SLC36A2: variants seen among roughly 807,000 people sequenced by gnomAD.
SLC36A2 encodes the protein solute carrier family 36 member 2, also known as proton-coupled amino acid transporter 2.
Under a neutral mutation model 42.7 loss-of-function variants are expected in SLC36A2, and 39 were observed. That is an observed-to-expected ratio of 0.91 (90% CI 0.71 to 1.19). The LOEUF (loss-of-function observed/expected upper bound fraction) is 1.19, where lower values mean the gene tolerates loss of function less well. Among genes scored for constraint, SLC36A2 ranks in the 50% most tolerant of loss-of-function variants. The pLI is 0.00. For missense variants in SLC36A2, 590 were observed against 613.7 expected, an observed-to-expected ratio of 0.96 and a Z score of 0.41; for synonymous variants, 237 against 240.8, an observed-to-expected ratio of 0.98 and a Z score of 0.15.
intron 7 of SLC36A2, among the ~76,000 whole-genome samples, chr5:151,331,424 C>T (rs1249602183): frequency 1.3e-5 from 2 of 151,868 alleles, no homozygotes; most frequent in South Asian, 2.1e-4. Flanking sequence ...TCAAGTGATT[C>T]TCCTGCTTGG....
chr5:151,327,548 T>C (rs1029794061), intron 7 of SLC36A2, among the ~76,000 whole-genome samples: 9 of 152,200 alleles, frequency 5.9e-5, no homozygotes, highest in African/African-American at 2.2e-4. Flanking sequence ...GTCCTCCCCA[T>C]GCCTTTCCAC....
intron 7 of SLC36A2, among the ~76,000 whole-genome samples, chr5:151,327,088 T>C (rs1230777103): frequency 6.6e-6 from 1 of 152,200 alleles, no homozygotes; most frequent in Non-Finnish European, 1.5e-5. Context: ...GTGCTGGGAT[T>C]ACAGGCGAGA....
chr5:151,317,224 G>T, intron 9 of SLC36A2, 136 bp from the exon 10 acceptor site: 1 of 1,117,448 alleles, frequency 8.9e-7, no homozygotes, highest in Non-Finnish European at 1.3e-6. Flanking sequence ...GGCCTAGATG[G>T]GTGGATCACT....
At chr5:151,327,859 A>G (rs1292144929) in intron 7 of SLC36A2, among the ~76,000 whole-genome samples, 1 of 152,116 alleles carries the variant, frequency 6.6e-6, no homozygotes, top group African/African-American at 2.4e-5. Flanking sequence ...GGTTTTATTC[A>G]CATCTGCACA....
intron 6 of SLC36A2, 88 bp from the exon 7 acceptor site, chr5:151,333,410 A>G: frequency 9.1e-7 from 1 of 1,099,116 alleles, no homozygotes; most frequent in Non-Finnish European, 1.4e-6. Flanking sequence ...ATGAGACCTG[A>G]ATTTTTTAAA....
intron 9 of SLC36A2, among the ~76,000 whole-genome samples, chr5:151,317,819 T>C (rs1755547302): frequency 6.6e-6 from 1 of 152,194 alleles, no homozygotes; most frequent in Non-Finnish European, 1.5e-5. Flanking sequence ...GGTCAGTGGT[T>C]GGGTGCTTGT....
rs750100308 is a variant in SLC36A2 at position 151,316,847 on chromosome 5, GGGGT to G, written c.1418_1421del (p.His473ProfsTer24). On this transcript the variant is annotated frameshift_variant, in exon 10 of 10. Transcript: ENST00000335244. LOFTEE classifies it high-confidence loss of function. Reference sequence around the variant, plus strand: ...GAACAAAAGTGGTGGAGTTGGAAAAGGGGTGAGAGTCTTCTGACTTGAGCAGCTC... The same window carrying G: ...GAACAAAAGTGGTGGAGTTGGAAAAGGAGAGTCTTCTGACTTGAGCAGCTC... The G allele has an allele frequency of 1.2e-6, 2 of 1,613,822 alleles. No homozygotes were observed. Among genetic ancestry groups the G allele is most frequent in the Admixed American group, 3.3e-5 (2 of 59,956 alleles).
chr5:151,340,200 A>AGGAGAGGAGGAGGAG (rs1561660934), intron 4 of SLC36A2, among the ~76,000 whole-genome samples: 8 of 119,472 alleles, frequency 6.7e-5, no homozygotes, highest in East Asian at 3.2e-4. Flanking sequence ...GTGGAGGAGG[A>AGGAGAGGAGGAGGAG]GGAGAGGAGG....
chr5:151,343,117 C>G, intron 3 of SLC36A2, 134 bp from the exon 4 acceptor site: 1 of 738,672 alleles, frequency 1.4e-6, no homozygotes, highest in Non-Finnish European at 2.4e-6. Context: ...AGACCTCGGG[C>G]TTTGACACTC....
At chr5:151,329,239 T>G (rs1396719639) in intron 7 of SLC36A2, among the ~76,000 whole-genome samples, 2 of 152,208 alleles carry the variant, frequency 1.3e-5, no homozygotes, top group African/African-American at 4.8e-5. Flanking sequence ...CAAATATCAC[T>G]TCATGGGCTT....
At position 151,316,816 on chromosome 5, in the gene SLC36A2, C is replaced by T; in HGVS notation, c.*1G>A. 6.2e-7 allele frequency: 1 copy of T among 1,612,296 alleles called. No homozygotes were observed. The highest frequency in any genetic ancestry group is 8.5e-7 in the Non-Finnish European group (1 of 1,179,604). On this transcript the variant is annotated 3_prime_UTR_variant, in exon 10 of 10. Coordinates refer to ENST00000335244, the MANE Select transcript of SLC36A2 (RefSeq NM_181776.3). ...CTGGTAGGCAAGGAGCAGTGCCAGG[C>T]TCACCGAACAAAAGTGGTGGAGTTG...
intron 4 of SLC36A2, among the ~76,000 whole-genome samples, chr5:151,342,644 A>G (rs967040627): frequency 5.3e-5 from 8 of 152,242 alleles, no homozygotes; most frequent in African/African-American, 1.9e-4. Context: ...GTAACTGGAT[A>G]AATGTGGTTT....
chr5:151,346,034 C>T (rs1756484092), intron 1 of SLC36A2, among the ~76,000 whole-genome samples: 2 of 152,244 alleles, frequency 1.3e-5, no homozygotes, highest in African/African-American at 4.8e-5. Flanking sequence ...ATCGTTGCCA[C>T]GCTTACTCAG....
intron 1 of SLC36A2, 132 bp from the exon 2 acceptor site, chr5:151,344,399 G>A (rs1756436403): frequency 1.3e-6 from 1 of 774,214 alleles, no homozygotes; most frequent in Non-Finnish European, 2.3e-6. Flanking sequence ...TCCTTGCCTG[G>A]CACATCTGGG....
chr5:151,333,387 A>G, intron 6 of SLC36A2, 65 bp from the exon 7 acceptor site: 1 of 1,372,172 alleles, frequency 7.3e-7, no homozygotes, highest in African/African-American at 1.4e-5. Flanking sequence ...CTTTAAGAGA[A>G]GGGTACTCTG....
At chr5:151,327,923 C>T (rs1203782182) in intron 7 of SLC36A2, among the ~76,000 whole-genome samples, 1 of 152,210 alleles carries the variant, frequency 6.6e-6, no homozygotes, top group African/African-American at 2.4e-5. Context: ...GGCTCTCCCT[C>T]TTCTGTAAAA....
intron 4 of SLC36A2, among the ~76,000 whole-genome samples, chr5:151,340,024 AAG>A (rs1322215898): frequency 6.6e-6 from 1 of 152,042 alleles, no homozygotes; most frequent in Non-Finnish European, 1.5e-5. Context: ...AAAGGGAAGA[AAG>A]AGAGTTGTGG....
rs566303365 is a variant in SLC36A2, at chr5:151,324,662, A to G, written c.1010+624T>C. 3.3e-5 allele frequency among the ~76,000 whole-genome samples: 5 copies of G among 152,124 alleles called. No homozygotes were observed. The East Asian group carries it at 5.8e-4, about 18-fold the overall frequency. On this transcript the variant is annotated intron_variant, in intron 8 of 9. Transcript: ENST00000335244. ...GTTTGTTTTTAAGAGATAGGGTCTC[A>G]CTGTGTCACTCAGGCTGGAGTGGAG...
chr5:151,326,500 C>A (rs1019566069), intron 7 of SLC36A2, among the ~76,000 whole-genome samples: 12 of 152,192 alleles, frequency 7.9e-5, no homozygotes, highest in Admixed American at 4.6e-4. Context: ...GCCAGCAGTG[C>A]ATTTCCCCAC....
Sources: gnomAD v4.1 joint callset for allele counts (sites outside exome capture counted in the v4.1 genomes callset) on GRCh38, gnomAD v4.1.1 for gene constraint, MANE v1.5 for transcripts, NCBI Gene and HGNC (gene_info 2026-07-23, HGNC 2026-07-21) for gene names.